USP47: variants seen among roughly 807,000 people sequenced by gnomAD.
USP47 encodes the protein ubiquitin carboxyl-terminal hydrolase 47.
A neutral mutation model predicts 165.1 loss-of-function variants in USP47; 35 were observed. The observed-to-expected ratio is 0.21, with a 90% CI of 0.16 to 0.28. The LOEUF is 0.28. Ranked by LOEUF, USP47 falls within the 10% of genes least tolerant of loss-of-function variation. The probability of loss-of-function intolerance (pLI) is 1.00; values close to 1 mark genes in which losing one functional copy is unlikely to be tolerated. For missense variants in USP47, 1,277 were observed against 1,607.4 expected, an observed-to-expected ratio of 0.79 and a Z score of 3.52; for synonymous variants, 531 against 544.5, an observed-to-expected ratio of 0.98 and a Z score of 0.35.
intron 5 of USP47, among the ~76,000 whole-genome samples, 187 bp from the exon 6 acceptor site, chr11:11,902,528 A>C (rs977459765): frequency 6.6e-6 from 1 of 152,238 alleles, no homozygotes; most frequent in African/African-American, 2.4e-5. Context: ...TAAAGTCTAA[A>C]GTTCTTCTGA....
At chr11:11,884,891 T>A (rs1478212577) in intron 3 of USP47, among the ~76,000 whole-genome samples, 1 of 152,192 alleles carries the variant, frequency 6.6e-6, no homozygotes, top group African/African-American at 2.4e-5. Flanking sequence ...AGATCTCCTG[T>A]GTTTCAGTAG....
rs1322244725 is a variant in USP47 at position 11,944,216 on chromosome 11, T to C, written c.3091+1104T>C. Among the ~76,000 whole-genome samples the C allele has an allele frequency of 2.0e-5, 3 of 150,680 alleles. No homozygotes were observed. In the East Asian group the frequency reaches 5.8e-4, roughly 29 times the overall value. On this transcript the variant is annotated intron_variant, in intron 20 of 27. Coordinates refer to ENST00000527733, the MANE Select transcript of USP47 (RefSeq NM_001282659.2). ...TGTAACTGTTAGAAGCAGAGACAAC[T>C]GAGATGCAGCCTTATGCTTCATCTC...
intron 19 of USP47, 32 bp downstream of exon 19, chr11:11,940,580 T>G (rs1420609560): frequency 6.2e-7 from 1 of 1,604,340 alleles, no homozygotes; most frequent in Non-Finnish European, 8.5e-7. Flanking sequence ...TACTATTTTC[T>G]ATGCTGGTAG....
chr11:11,942,748 T>C lies in USP47; in HGVS notation c.2727T>C (p.His909=). The change falls in exon 20 of 28, where the codon CAT becomes CAC. Residue 909 remains histidine (H), a synonymous_variant. Coordinates refer to ENST00000527733, the MANE Select transcript of USP47 (RefSeq NM_001282659.2). ...TGGATAATAGAGAACTTGAACAGCA[T>C]ATTCAGACTTCTGATCCAGAAAATT... ...ASVDNRELEQ[H]IQTSDPENFQ... The C allele has an allele frequency of 6.2e-7, 1 of 1,613,602 alleles. No individual in the cohort carries two copies. Among genetic ancestry groups the C allele is most frequent in the Non-Finnish European group, 8.5e-7 (1 of 1,179,732 alleles).
intron 8 of USP47, among the ~76,000 whole-genome samples, chr11:11,910,862 A>C (rs1337246407): frequency 2.0e-5 from 3 of 152,202 alleles, no homozygotes; most frequent in African/African-American, 2.4e-5. Flanking sequence ...TTTCAATTAA[A>C]AAATCACAAA....
chr11:11,897,790 G>A, intron 5 of USP47, 97 bp downstream of exon 5: 1 of 851,632 alleles, frequency 1.2e-6, no homozygotes, highest in Non-Finnish European at 1.8e-6. Context: ...TTAAAGTTTG[G>A]GGCATTTCTC....
At chr11:11,873,117 A>G (rs550121246) in intron 1 of USP47, among the ~76,000 whole-genome samples, 119 of 152,318 alleles carry the variant, frequency 7.8e-4, no homozygotes, top group African/African-American at 2.8e-3. Flanking sequence ...AGAAAACTGT[A>G]TGTTGCTATT....
chr11:11,902,395 A>G lies in USP47; in HGVS notation c.594-320A>G, dbSNP rs1486921109. Among the ~76,000 whole-genome samples the G allele has an allele frequency of 2.6e-5, 4 of 152,114 alleles. No individual in the cohort carries two copies. In the East Asian group the frequency reaches 7.7e-4, roughly 29 times the overall value. On this transcript the variant is annotated intron_variant, in intron 5 of 27. Transcript: ENST00000527733. ...GTAATAGTATTCTTCTGTTTCCTGT[A>G]TTTTTGTGAATTAATAATTAGGACA...
intron 7 of USP47, among the ~76,000 whole-genome samples, chr11:11,904,407 G>A (rs1475511321): frequency 3.9e-5 from 6 of 152,160 alleles, no homozygotes; most frequent in Non-Finnish European, 4.4e-5. Context: ...GAGGCAAGAT[G>A]TAGTACACTT....
chr11:11,857,309 A>G (rs1849103348), intron 1 of USP47, among the ~76,000 whole-genome samples: 2 of 152,028 alleles, frequency 1.3e-5, no homozygotes, highest in Admixed American at 1.3e-4. Flanking sequence ...AGTTTATATA[A>G]TCTATTATTT....
At chr11:11,885,044 T>C (rs1851065752) in intron 3 of USP47, among the ~76,000 whole-genome samples, 1 of 152,232 alleles carries the variant, frequency 6.6e-6, no homozygotes, top group Non-Finnish European at 1.5e-5. Context: ...GACTGGTGTA[T>C]ACATTAAATG....
intron 20 of USP47, among the ~76,000 whole-genome samples, chr11:11,944,098 T>C (rs79250539): frequency 8.0e-4 from 121 of 150,932 alleles, no homozygotes; most frequent in African/African-American, 2.8e-3. Flanking sequence ...AATTGTTCCT[T>C]TTACCTTTGG....
chr11:11,942,322 A>G lies in USP47; in HGVS notation c.2314-13A>G, dbSNP rs750852332. ...AAAATTAATATATAATAAAACTCTG[A>G]CTTACTATGTAGGTGTTTGTTGAAA... On this transcript the variant is annotated splice_polypyrimidine_tract_variant and intron_variant, in intron 19 of 27. Transcript: ENST00000527733. 2.7e-5 allele frequency: 42 copies of G among 1,555,694 alleles called. No homozygotes were observed. The South Asian group carries it at 4.0e-4, about 15-fold the overall frequency.
At position 11,949,955 on chromosome 11, in the gene USP47, T is replaced by C; in HGVS notation, c.3415T>C (p.Leu1139=). 6.2e-7 allele frequency: 1 copy of C among 1,613,052 alleles called. No homozygotes were observed. ...GACTGTACGGCAATCAAAAGAGGAATTAATTCCTCAGCTCAGGGAGCAATG... is the reference window on the plus strand; with the variant it reads ...GACTGTACGGCAATCAAAAGAGGAACTAATTCCTCAGCTCAGGGAGCAATG... ...GMTVRQSKEE[L]IPQLREQCGL... Residue 1139 remains leucine, a synonymous_variant, in exon 23 of 28, where the codon TTA becomes CTA. Coordinates refer to ENST00000527733, the MANE Select transcript of USP47 (RefSeq NM_001282659.2).
At chr11:11,927,457 A>G (rs1854335364) in intron 11 of USP47, among the ~76,000 whole-genome samples, 1 of 152,144 alleles carries the variant, frequency 6.6e-6, no homozygotes, top group Admixed American at 6.6e-5. Flanking sequence ...GTTTTGTACT[A>G]TAATGACAGA....
intron 1 of USP47, among the ~76,000 whole-genome samples, chr11:11,875,761 A>G (rs1435239027): frequency 6.6e-6 from 1 of 152,104 alleles, no homozygotes; most frequent in Non-Finnish European, 1.5e-5. Context: ...GTGCCACCAC[A>G]CCCAGCAAAT....
At chr11:11,903,012 T>C in intron 6 of USP47, 152 bp downstream of exon 6, 1 of 900,772 alleles carries the variant, frequency 1.1e-6, no homozygotes. Flanking sequence ...TTCATAACTC[T>C]ACAATGAAAA....
intron 1 of USP47, among the ~76,000 whole-genome samples, chr11:11,876,655 A>G (rs1190018583): frequency 6.6e-6 from 1 of 152,188 alleles, no homozygotes; most frequent in East Asian, 1.9e-4. Context: ...CTCATACATC[A>G]GGCACCTCAG....
In USP47 at chr11:11,942,996, A is replaced by C; in HGVS notation, c.2975A>C (p.Asp992Ala). The change falls in exon 20 of 28, where the codon GAC (aspartate) becomes GCC (alanine). Residue 992 changes from aspartate (D) to alanine (A), a missense_variant. Physicochemically the swap from Asp to Ala is moderately radical, Grantham distance 126. Around this residue, in one of 4 missense-constraint regions of USP47, gnomAD observed 909 missense variants for 1,068.1 expected, o/e 0.85. Transcript: ENST00000527733. Reference protein sequence around the residue: ...KKETWDTAEEDSGTDSEYDES... With the variant: ...KKETWDTAEEASGTDSEYDES... ...GAAACATGGGATACAGCAGAAGAAG[A>C]CTCTGGAACTGATAGTGAATATGAT... 1.2e-6 allele frequency: 2 copies of C among 1,613,548 alleles called. No individual in the cohort carries two copies. Among genetic ancestry groups the C allele is most frequent in the Non-Finnish European group, 1.7e-6 (2 of 1,179,666 alleles).
Sources: gnomAD v4.1 joint callset for allele counts (sites outside exome capture counted in the v4.1 genomes callset) on GRCh38, gnomAD v4.1.1 for gene constraint, gnomAD v4.1.1 regional missense constraint, MANE v1.5 for transcripts, NCBI Gene and HGNC (gene_info 2026-07-23, HGNC 2026-07-21) for gene names.